Variants in APBB2 observed in about 807,000 individuals in gnomAD.
The protein encoded by APBB2 is amyloid beta precursor protein binding family B member 2, also known as Fe65-like 1.
Under a neutral mutation model 82.5 loss-of-function variants are expected in APBB2, and 38 were observed. That is an observed-to-expected ratio of 0.46 (90% CI 0.36 to 0.60). APBB2 has a LOEUF of 0.60. APBB2 is among the 20% of genes least tolerant of loss of function. The pLI, the probability that APBB2 is intolerant of heterozygous loss-of-function variation, is 0.00. For missense variants in APBB2, 772 were observed against 972.3 expected (o/e 0.79, Z 2.74); for synonymous variants, 341 against 368.2 (o/e 0.93, Z 0.85).
At chr4:41,160,180 C>T (rs766388880) in intron 1 of APBB2, among the ~76,000 whole-genome samples, 4 of 151,996 alleles carry the variant, frequency 2.6e-5, no homozygotes, top group Non-Finnish European at 5.9e-5. Flanking sequence ...CTGTAAGGAA[C>T]GGGTGCGGGG....
chr4:40,860,488 G>C (rs1762509341), intron 12 of APBB2, among the ~76,000 whole-genome samples: 1 of 152,154 alleles, frequency 6.6e-6, no homozygotes, highest in Non-Finnish European at 1.5e-5. Context: ...AGGACACCGT[G>C]GGGAGAGGAC....
intron 1 of APBB2, among the ~76,000 whole-genome samples, chr4:41,151,278 G>A (rs923428107): frequency 6.6e-5 from 10 of 152,046 alleles, no homozygotes; most frequent in South Asian, 2.1e-4. Flanking sequence ...CTTCCCTTCC[G>A]CTGCTCTACA....
At chr4:41,124,838 C>T (rs952622212) in intron 2 of APBB2, among the ~76,000 whole-genome samples, 14 of 152,188 alleles carry the variant, frequency 9.2e-5, no homozygotes, top group African/African-American at 2.9e-4. Flanking sequence ...GCTCTGTTAG[C>T]GTCTCTTTCC....
chr4:40,964,158 G>C (rs1036847933), intron 6 of APBB2, among the ~76,000 whole-genome samples: 5 of 152,088 alleles, frequency 3.3e-5, no homozygotes, highest in African/African-American at 1.2e-4. Context: ...CTGCTCTGCT[G>C]ATAGAACAAG....
chr4:41,181,942 C>CAAAAAAAAAAAAAAAAAA (rs35142945), intron 1 of APBB2, among the ~76,000 whole-genome samples: 4 of 93,868 alleles, frequency 4.3e-5, no homozygotes, highest in African/African-American at 7.1e-5. Context: ...GAAACTGTCT[C>CAAAAAAAAAAAAAAAAAA]AAAAAAAAAA....
chr4:40,995,419 A>G (rs1176115584), intron 6 of APBB2, among the ~76,000 whole-genome samples: 7 of 152,132 alleles, frequency 4.6e-5, no homozygotes, highest in Non-Finnish European at 7.4e-5. Flanking sequence ...TCTGTTGCTC[A>G]GGCTGGAGTG....
chr4:40,944,742 G>T, intron 7 of APBB2, 123 bp downstream of exon 7: 1 of 901,046 alleles, frequency 1.1e-6, no homozygotes, highest in Non-Finnish European at 1.8e-6. Context: ...GATTTCAAAT[G>T]CAACATGCAC....
intron 12 of APBB2, among the ~76,000 whole-genome samples, chr4:40,876,702 T>A (rs1389590280): frequency 1.3e-5 from 2 of 152,208 alleles, no homozygotes; most frequent in Non-Finnish European, 2.9e-5. Flanking sequence ...AGATAATTGT[T>A]ATATTATTTT....
At chr4:40,914,152 C>T (rs1196195583) in intron 10 of APBB2, among the ~76,000 whole-genome samples, 2 of 151,986 alleles carry the variant, frequency 1.3e-5, no homozygotes, top group East Asian at 1.9e-4. Context: ...GGGCGTATCA[C>T]GAGGTCAGGA....
Position 40,992,851 on chromosome 4 carries a change from T to C in APBB2, c.835+20732A>G, listed in dbSNP as rs180678034. 1.5e-3 allele frequency among the ~76,000 whole-genome samples: 232 copies of C among 152,252 alleles called. 2 individuals are homozygous for C. The highest frequency in any genetic ancestry group is 2.2e-3 in the Non-Finnish European group (149 of 68,004). Reference sequence around the variant, plus strand: ...GCCAAACCACAGGGCCGGATGGAGATAGGCCGGCCTGCCATGTGCAGGATC... The same window carrying C: ...GCCAAACCACAGGGCCGGATGGAGACAGGCCGGCCTGCCATGTGCAGGATC... On this transcript the variant is annotated intron_variant, in intron 6 of 17. Coordinates refer to ENST00000508593, the MANE Select transcript of APBB2 (RefSeq NM_004307.2).
intron 4 of APBB2, among the ~76,000 whole-genome samples, chr4:41,052,240 C>T (rs868006812): frequency 6.7e-6 from 1 of 149,068 alleles, no homozygotes; most frequent in Non-Finnish European, 1.5e-5. Flanking sequence ...TACATACATA[C>T]ATACCAAAAC....
intron 7 of APBB2, among the ~76,000 whole-genome samples, chr4:40,943,835 A>C (rs1787663337): frequency 1.3e-5 from 2 of 152,208 alleles, no homozygotes; most frequent in African/African-American, 4.8e-5. Flanking sequence ...CCAGCCCATC[A>C]CTTTCAAGTT....
intron 12 of APBB2, among the ~76,000 whole-genome samples, chr4:40,857,990 G>C (rs894003110): frequency 1.3e-5 from 2 of 152,100 alleles, no homozygotes; most frequent in Non-Finnish European, 2.9e-5. Context: ...TTTACACAAA[G>C]CACTTAGCAG....
chr4:40,935,733 T>A (rs1578563932), intron 7 of APBB2: 2 of 151,818 alleles, frequency 1.3e-5, no homozygotes, highest in South Asian at 4.1e-4. Context: ...CAGTCTAACA[T>A]AAATTTCTCT....
chr4:41,116,544 T>A (rs999879069), intron 2 of APBB2, among the ~76,000 whole-genome samples: 4 of 152,008 alleles, frequency 2.6e-5, no homozygotes, highest in Non-Finnish European at 4.4e-5. Flanking sequence ...GGCAGGAGAA[T>A]TGCTTGAACC....
chr4:40,918,753 TTC>T (rs1215164147), intron 10 of APBB2, among the ~76,000 whole-genome samples: 36 of 143,328 alleles, frequency 2.5e-4, no homozygotes, highest in Middle Eastern at 3.6e-3. Context: ...TCCTTATTTT[TTC>T]TCTGTTTTTT....
intron 7 of APBB2, among the ~76,000 whole-genome samples, chr4:40,936,894 C>T (rs531733777): frequency 9.9e-4 from 151 of 152,156 alleles, no homozygotes; most frequent in African/African-American, 3.4e-3. Flanking sequence ...GAAATGGGTG[C>T]GGGGTTTTGT....
At chr4:40,831,188 A>G (rs1409844928) in intron 12 of APBB2, among the ~76,000 whole-genome samples, 1 of 152,184 alleles carries the variant, frequency 6.6e-6, no homozygotes, top group Non-Finnish European at 1.5e-5. Flanking sequence ...ACCTGAGGTC[A>G]GGAGTTGGAG....
At chr4:41,104,433 A>G (rs1389291359) in intron 2 of APBB2, among the ~76,000 whole-genome samples, 1 of 152,168 alleles carries the variant, frequency 6.6e-6, no homozygotes, top group African/African-American at 2.4e-5. Context: ...TCACTCACCC[A>G]TGCTTGGCTA....
Sources: gnomAD v4.1 joint callset for allele counts (sites outside exome capture counted in the v4.1 genomes callset) on GRCh38, gnomAD v4.1.1 for gene constraint, MANE v1.5 for transcripts, NCBI Gene and HGNC (gene_info 2026-07-23, HGNC 2026-07-21) for gene names.